Variants in KCND3 observed in about 807,000 individuals in gnomAD.
The protein encoded by KCND3 is potassium voltage-gated channel subfamily D member 3.
In KCND3, 9 loss-of-function variants were observed where a neutral mutation model predicts 51.1. The ratio of observed to expected loss-of-function variants is 0.18; its 90% CI spans 0.11 to 0.31. The LOEUF is 0.31. Among genes scored for constraint, KCND3 ranks in the 10% least tolerant of loss-of-function variants. The probability of loss-of-function intolerance (pLI) is 1.00; values close to 1 mark genes in which losing one functional copy is unlikely to be tolerated. For synonymous variants in KCND3, 349 were observed against 368.0 expected, an observed-to-expected ratio of 0.95 and a Z score of 0.59; for missense variants, 526 against 903.8, an observed-to-expected ratio of 0.58 and a Z score of 5.36.
chr1:111,834,364 C>T (rs1178206939), intron 2 of KCND3, among the ~76,000 whole-genome samples: 2 of 152,150 alleles, frequency 1.3e-5, no homozygotes, highest in East Asian at 3.8e-4. Context: ...AAAAACAAAA[C>T]ACAAGAGCTT....
chr1:111,838,882 A>T (rs1482642946), intron 2 of KCND3, among the ~76,000 whole-genome samples: 4 of 152,200 alleles, frequency 2.6e-5, no homozygotes, highest in African/African-American at 9.6e-5. Context: ...ACAATGTGAT[A>T]GGGAATAACT....
intron 2 of KCND3, among the ~76,000 whole-genome samples, chr1:111,955,049 C>T (rs1053411831): frequency 6.6e-6 from 1 of 152,204 alleles, no homozygotes; most frequent in Admixed American, 6.5e-5. Flanking sequence ...CCAGGCCTTT[C>T]TTTGCACATA....
At chr1:111,928,653 G>A (rs1476752205) in intron 2 of KCND3, among the ~76,000 whole-genome samples, 3 of 152,204 alleles carry the variant, frequency 2.0e-5, no homozygotes, top group Non-Finnish European at 4.4e-5. Flanking sequence ...ACAGTGGCAG[G>A]GGCAGCCAGG....
At chr1:111,833,007 C>T (rs1471642644) in intron 2 of KCND3, among the ~76,000 whole-genome samples, 1 of 152,224 alleles carries the variant, frequency 6.6e-6, no homozygotes, top group Non-Finnish European at 1.5e-5. Flanking sequence ...AGCAGCAGGA[C>T]CATACACTGG....
At chr1:111,951,746 A>G (rs753036607) in intron 2 of KCND3, among the ~76,000 whole-genome samples, 8 of 152,224 alleles carry the variant, frequency 5.3e-5, no homozygotes, top group Non-Finnish European at 8.8e-5. Context: ...CGCTAAGAAG[A>G]AGCTGGGTTG....
At chr1:111,794,838 C>A (rs900543801) in intron 2 of KCND3, among the ~76,000 whole-genome samples, 14 of 152,320 alleles carry the variant, frequency 9.2e-5, no homozygotes, top group Middle Eastern at 3.4e-3. Flanking sequence ...TTATTATCCC[C>A]ATTTTGCAGA....
rs1663910098 is a variant in KCND3 at position 111,771,657 on chromosome 1, G to A, written c.*4420C>T. 6.6e-6 allele frequency: 1 copy of A among 152,138 alleles called. No homozygotes were observed. Among genetic ancestry groups the A allele is most frequent in the South Asian group, 2.1e-4 (1 of 4,824 alleles). 9.4% of individuals were successfully genotyped at this position (152,138 alleles called of 1,614,324 possible). ...TCTACAATCTAATAAGTGATATCCTGAACTGTAGGAATCATATTTTGAAAA... is the reference window on the plus strand; with the variant it reads ...TCTACAATCTAATAAGTGATATCCTAAACTGTAGGAATCATATTTTGAAAA... On this transcript the variant is annotated 3_prime_UTR_variant, in exon 8 of 8. Coordinates refer to ENST00000302127, the MANE Select transcript of KCND3 (RefSeq NM_001378969.1).
chr1:111,983,510 T>C (rs1176853270), intron 1 of KCND3, among the ~76,000 whole-genome samples: 1 of 152,140 alleles, frequency 6.6e-6, no homozygotes, highest in African/African-American at 2.4e-5. Context: ...AGAGCCATGA[T>C]GGAAAGACGT....
chr1:111,792,008 A>T (rs1308621664), intron 2 of KCND3, among the ~76,000 whole-genome samples: 1 of 152,182 alleles, frequency 6.6e-6, no homozygotes, highest in Non-Finnish European at 1.5e-5. Flanking sequence ...CTGCTCCTAG[A>T]TGCAGACCAT....
chr1:111,799,243 A>G, intron 2 of KCND3, among the ~76,000 whole-genome samples: 1 of 152,204 alleles, frequency 6.6e-6, no homozygotes, highest in East Asian at 1.9e-4. Flanking sequence ...TGAGTCAACC[A>G]AACAAACAAG....
chr1:111,948,806 T>G (rs1672914832), intron 2 of KCND3, among the ~76,000 whole-genome samples: 2 of 150,562 alleles, frequency 1.3e-5, no homozygotes, highest in African/African-American at 4.9e-5. Context: ...GACAGGGAAG[T>G]GGGGAAGATG....
At position 111,780,112 on chromosome 1, in the gene KCND3, G is replaced by T; in HGVS notation, c.1461+113C>A. ...CCAGTAGATCCCATCACTACCTTTTGGATCTGAAGGGGACAGACTTTGACT... is the reference window on the plus strand; with the variant it reads ...CCAGTAGATCCCATCACTACCTTTTTGATCTGAAGGGGACAGACTTTGACT... On this transcript the variant is annotated intron_variant, in intron 5 of 7. Transcript: ENST00000302127. The surrounding 1 kb of genome is among the most constrained non-coding windows in gnomAD (Gnocchi z 4.2). 1 of 1,156,134 alleles carries T rather than the reference G, an allele frequency of 8.6e-7. No homozygotes were observed. Among genetic ancestry groups the T allele is most frequent in the Non-Finnish European group, 1.3e-6 (1 of 789,334 alleles). The allele number at this position is 1,156,134 out of a possible 1,614,324, so 71.6% of individuals were successfully genotyped here.
chr1:111,949,435 G>C (rs780337086), intron 2 of KCND3, among the ~76,000 whole-genome samples: 5 of 152,158 alleles, frequency 3.3e-5, no homozygotes, highest in African/African-American at 4.8e-5. Context: ...AGAGAGAACA[G>C]GAGAGCCAGA....
chr1:111,895,869 C>T (rs1406552537), intron 2 of KCND3, among the ~76,000 whole-genome samples: 1 of 152,202 alleles, frequency 6.6e-6, no homozygotes, highest in Non-Finnish European at 1.5e-5. Flanking sequence ...TATGACGAGT[C>T]CTGTATCTGG....
chr1:111,933,624 C>A (rs995473573), intron 2 of KCND3, among the ~76,000 whole-genome samples: 2 of 152,160 alleles, frequency 1.3e-5, no homozygotes, highest in South Asian at 4.1e-4. Flanking sequence ...GAAGCAGGAC[C>A]AAATCAAGAG....
At chr1:111,795,089 C>T (rs1406225719) in intron 2 of KCND3, among the ~76,000 whole-genome samples, 1 of 152,206 alleles carries the variant, frequency 6.6e-6, no homozygotes, top group African/African-American at 2.4e-5. Flanking sequence ...AGCCACAATT[C>T]TACAAAAACA....
In KCND3 at chr1:111,809,739, GT is replaced by G. The variant is rs1665761948; in HGVS notation, c.1107-22634del. Among the ~76,000 whole-genome samples, 3 of 152,156 alleles carry G rather than the reference GT, an allele frequency of 2.0e-5. No individual in the cohort carries two copies. In the South Asian group the frequency reaches 6.2e-4, roughly 32 times the overall value. Reference sequence around the variant, plus strand: ...CACCAACCCACTCATTTGATCAAAGGTTAAAACAATATTAAATGATAGTCGT... The same window carrying G: ...CACCAACCCACTCATTTGATCAAAGGTAAAACAATATTAAATGATAGTCGT... On this transcript the variant is annotated intron_variant, in intron 2 of 7. Coordinates refer to ENST00000302127, the MANE Select transcript of KCND3 (RefSeq NM_001378969.1).
intron 2 of KCND3, among the ~76,000 whole-genome samples, chr1:111,881,008 C>T (rs925817549): frequency 6.6e-6 from 1 of 152,218 alleles, no homozygotes; most frequent in African/African-American, 2.4e-5. Flanking sequence ...CTGTTTCCTG[C>T]CTTTCCTCTG....
intron 2 of KCND3, among the ~76,000 whole-genome samples, chr1:111,855,198 G>A (rs1373664788): frequency 6.6e-6 from 1 of 152,170 alleles, no homozygotes. Context: ...TTTGTGTTCT[G>A]GAGCTCCAAG....
Sources: gnomAD v4.1 joint callset for allele counts (sites outside exome capture counted in the v4.1 genomes callset) on GRCh38, gnomAD v4.1.1 for gene constraint, Gnocchi (gnomAD v3.1) non-coding constraint, MANE v1.5 for transcripts, NCBI Gene and HGNC (gene_info 2026-07-23, HGNC 2026-07-21) for gene names.